The following KLHL32 variants were observed in gnomAD, a reference collection of about 807,000 sequenced individuals.
KLHL32 encodes the protein kelch like family member 32.
In KLHL32, 35 loss-of-function variants were observed where a neutral mutation model predicts 64.8. The ratio of observed to expected loss-of-function variants is 0.54; its 90% CI spans 0.41 to 0.72. KLHL32 has a LOEUF of 0.72. KLHL32 is among the 30% of genes least tolerant of loss of function. The pLI, the probability that KLHL32 is intolerant of heterozygous loss-of-function variation, is 0.00. For missense variants in KLHL32, 589 were observed against 768.5 expected (o/e 0.77, Z 2.76); for synonymous variants, 259 against 281.0 (o/e 0.92, Z 0.78).
chr6:97,001,837 G>A (rs6568697), intron 3 of KLHL32, among the ~76,000 whole-genome samples: 37,260 of 152,068 alleles, frequency 0.25, 5,901 homozygotes, highest in East Asian at 0.53. Flanking sequence ...GATCTGCCTG[G>A]CTCTTTTGTT....
intron 3 of KLHL32, among the ~76,000 whole-genome samples, chr6:96,981,750 A>G (rs2128050424): frequency 6.6e-6 from 1 of 152,080 alleles, no homozygotes; most frequent in Middle Eastern, 3.4e-3. Context: ...CATGTGTTGT[A>G]TCTTTGTTCT....
chr6:97,106,546 C>T (rs942849104), intron 6 of KLHL32, among the ~76,000 whole-genome samples: 1 of 151,942 alleles, frequency 6.6e-6, no homozygotes, highest in African/African-American at 2.4e-5. Flanking sequence ...AGTTTGAGAC[C>T]AGCCTGACCA....
intron 5 of KLHL32, among the ~76,000 whole-genome samples, chr6:97,071,782 C>G (rs1415998135): frequency 6.6e-6 from 1 of 152,286 alleles, no homozygotes; most frequent in Non-Finnish European, 1.5e-5. Flanking sequence ...TTCTCTTTCT[C>G]CTCCTTGTCA....
At chr6:96,954,535 T>C (rs1249040226) in intron 1 of KLHL32, among the ~76,000 whole-genome samples, 1 of 152,170 alleles carries the variant, frequency 6.6e-6, no homozygotes, top group Non-Finnish European at 1.5e-5. Flanking sequence ...TTGGCTTAGT[T>C]ATATTCCCCA....
At chr6:97,016,201 TCCAGACC>T (rs1781167149) in intron 3 of KLHL32, among the ~76,000 whole-genome samples, 1 of 152,170 alleles carries the variant, frequency 6.6e-6, no homozygotes, top group South Asian at 2.1e-4. Context: ...GCCACCATCC[TCCAGACC>T]CCAGAATGGC....
intron 1 of KLHL32, among the ~76,000 whole-genome samples, chr6:96,933,267 G>T (rs1770163676): frequency 6.6e-6 from 1 of 152,112 alleles, no homozygotes; most frequent in Non-Finnish European, 1.5e-5. Flanking sequence ...TTCCTTTTGG[G>T]CACTGTATTC....
intron 5 of KLHL32, among the ~76,000 whole-genome samples, chr6:97,082,616 A>C (rs55747138): frequency 0.014 from 2,092 of 150,930 alleles, 56 homozygotes; most frequent in African/African-American, 0.049. Flanking sequence ...TCCATCTCAA[A>C]AAAAAAAAAT....
At position 97,114,062 on chromosome 6, in the gene KLHL32, A is replaced by G; in HGVS notation, c.907A>G (p.Lys303Glu). 2 of 1,614,222 alleles carry G rather than the reference A, an allele frequency of 1.2e-6. No individual in the cohort carries two copies. The highest frequency in any genetic ancestry group is 1.7e-6 in the Non-Finnish European group (2 of 1,180,046). The change falls in exon 7 of 11, where the codon AAG becomes GAG. Residue 303 changes from lysine to glutamate, a missense_variant. Physicochemically the swap from Lys to Glu is moderately conservative, Grantham distance 56. Around this residue, in one of 3 missense-constraint regions of KLHL32, gnomAD observed 226 missense variants for 353.2 expected, o/e 0.64. Coordinates refer to ENST00000369261, the MANE Select transcript of KLHL32 (RefSeq NM_052904.4). The stretch of plus-strand genomic sequence containing the variant: ...TGGTGGGAAAAAGCGCGAGGTCTGC[A>G]AGGTCAAGGAACTTCGGTACTTCAA... ...IIGGKKREVCKVKELRYFNPV... is the reference protein window; with the variant it reads ...IIGGKKREVCEVKELRYFNPV...
intron 7 of KLHL32, among the ~76,000 whole-genome samples, chr6:97,118,300 A>G (rs1798007024): frequency 6.6e-6 from 1 of 152,142 alleles, no homozygotes; most frequent in African/African-American, 2.4e-5. Context: ...CTTTTTGCAG[A>G]TATTGTTTTA....
chr6:96,955,575 G>T (rs1232000066), intron 1 of KLHL32, among the ~76,000 whole-genome samples: 2 of 152,148 alleles, frequency 1.3e-5, no homozygotes, highest in African/African-American at 4.8e-5. Context: ...CATTTGAATG[G>T]ATATGTGTTC....
chr6:97,039,110 A>G (rs984323010), intron 3 of KLHL32, among the ~76,000 whole-genome samples: 1 of 151,854 alleles, frequency 6.6e-6, no homozygotes, highest in Non-Finnish European at 1.5e-5. Context: ...AAAAAAGAAA[A>G]AAAGAAAAAG....
At chr6:96,986,613 A>T (rs1444755459) in intron 3 of KLHL32, among the ~76,000 whole-genome samples, 3 of 152,244 alleles carry the variant, frequency 2.0e-5, no homozygotes, top group Non-Finnish European at 2.9e-5. Flanking sequence ...TTGCAGTTGG[A>T]TCTCCCACTG....
chr6:97,134,203 G>A lies in KLHL32; in HGVS notation c.1701+1456G>A, dbSNP rs1167263725. ...TAATCTCAAAGAAAGTAGAAGAGGA[G>A]AGATGATAAAGATGAGAGAAAATTA... On this transcript the variant is annotated intron_variant, in intron 10 of 10. Coordinates refer to ENST00000369261, the MANE Select transcript of KLHL32 (RefSeq NM_052904.4). 4.6e-5 allele frequency among the ~76,000 whole-genome samples: 7 copies of A among 152,144 alleles called. No homozygotes were observed. The East Asian group carries it at 1.3e-3, about 29-fold the overall frequency.
chr6:96,969,166 C>T (rs1002349337), intron 2 of KLHL32, among the ~76,000 whole-genome samples: 16 of 152,100 alleles, frequency 1.1e-4, no homozygotes, highest in African/African-American at 3.9e-4. Flanking sequence ...GTCCTTGGAC[C>T]CTCAATCTGC....
At chr6:97,068,155 T>C (rs1035731602) in intron 5 of KLHL32, among the ~76,000 whole-genome samples, 1 of 152,218 alleles carries the variant, frequency 6.6e-6, no homozygotes, top group African/African-American at 2.4e-5. Context: ...ATGTCTCTTT[T>C]TTGCCGTTAC....
chr6:97,067,507 G>A (rs1044380365), intron 5 of KLHL32, among the ~76,000 whole-genome samples: 2 of 152,140 alleles, frequency 1.3e-5, no homozygotes, highest in Non-Finnish European at 2.9e-5. Context: ...CTCCTGAGCA[G>A]TCTGCTTGTT....
At chr6:96,989,172 A>G (rs1024853909) in intron 3 of KLHL32, among the ~76,000 whole-genome samples, 1 of 152,050 alleles carries the variant, frequency 6.6e-6, no homozygotes, top group South Asian at 2.1e-4. Flanking sequence ...TGCAGACTTG[A>G]TTGTGTGGTT....
chr6:97,065,844 C>G (rs1789655449), intron 5 of KLHL32, among the ~76,000 whole-genome samples: 1 of 152,074 alleles, frequency 6.6e-6, no homozygotes, highest in Admixed American at 6.6e-5. Context: ...TTCCCAGCAA[C>G]CCTGGAAAAT....
At chr6:97,075,180 G>A (rs1032104461) in intron 5 of KLHL32, among the ~76,000 whole-genome samples, 2 of 152,080 alleles carry the variant, frequency 1.3e-5, no homozygotes, top group African/African-American at 2.4e-5. Context: ...TATTTAAATA[G>A]GCCTTGCAAG....
Sources: gnomAD v4.1 joint callset for allele counts (sites outside exome capture counted in the v4.1 genomes callset) on GRCh38, gnomAD v4.1.1 for gene constraint, gnomAD v4.1.1 regional missense constraint, MANE v1.5 for transcripts, NCBI Gene and HGNC (gene_info 2026-07-23, HGNC 2026-07-21) for gene names.